Variants in ALK observed in about 807,000 individuals in gnomAD.
The protein encoded by ALK is ALK receptor tyrosine kinase, also known as ALK tyrosine kinase receptor.
A neutral mutation model predicts 163.1 loss-of-function variants in ALK; 74 were observed. The ratio of observed to expected loss-of-function variants is 0.45; its 90% CI spans 0.38 to 0.55. The LOEUF (loss-of-function observed/expected upper bound fraction) is 0.55, where lower values mean the gene tolerates loss of function less well. Among genes scored for constraint, ALK ranks in the 20% least tolerant of loss-of-function variants. ALK has a pLI of 0.00. For synonymous variants in ALK, 960 were observed against 843.2 expected, an observed-to-expected ratio of 1.14 and a Z score of -2.40; for missense variants, 2,063 against 2,105.3, an observed-to-expected ratio of 0.98 and a Z score of 0.39.
intron 1 of ALK, among the ~76,000 whole-genome samples, chr2:29,871,998 A>C (rs1487471106): frequency 1.3e-5 from 2 of 152,196 alleles, no homozygotes; most frequent in Non-Finnish European, 2.9e-5. Context: ...TCCAAGCCCT[A>C]GACTGGGTAT....
At chr2:29,426,922 C>A (rs1670153129) in intron 4 of ALK, among the ~76,000 whole-genome samples, 1 of 150,050 alleles carries the variant, frequency 6.7e-6, no homozygotes, top group African/African-American at 2.4e-5. Context: ...CCTGTAGTCC[C>A]AGCTACTCAG....
intron 3 of ALK, among the ~76,000 whole-genome samples, chr2:29,540,042 GTGGATATAGTGGTTAT>G (rs1406107917): frequency 4.6e-5 from 7 of 152,152 alleles, no homozygotes; most frequent in Non-Finnish European, 8.8e-5. Context: ...GTAGTTAATA[GTGGATATAGTGGTTAT>G]TGGATATAGT....
chr2:29,614,586 C>T lies in ALK; in HGVS notation c.952+80264G>A, dbSNP rs897496599. ...AAACATTAATCAGGCTCATCTGAGC[C>T]CCACTAAGCCCCATGCTTGGGCAGG... On this transcript the variant is annotated intron_variant, in intron 3 of 28. Transcript: ENST00000389048. Among the ~76,000 whole-genome samples, 4 of 152,318 alleles carry T rather than the reference C, an allele frequency of 2.6e-5. No homozygotes were observed. The East Asian group carries it at 5.8e-4, about 22-fold the overall frequency.
intron 1 of ALK, among the ~76,000 whole-genome samples, chr2:29,804,581 G>A (rs576974575): frequency 5.9e-5 from 9 of 152,348 alleles, no homozygotes; most frequent in Admixed American, 2.6e-4. Context: ...CCTGGCGGCC[G>A]TGGAGGCCTG....
At chr2:29,441,048 G>T (rs546160091) in intron 4 of ALK, among the ~76,000 whole-genome samples, 2 of 152,294 alleles carry the variant, frequency 1.3e-5, no homozygotes, top group South Asian at 4.1e-4. Context: ...ACTCAACCCA[G>T]TTTGTCCCTG....
chr2:29,759,951 C>T (rs1311266572), intron 1 of ALK, among the ~76,000 whole-genome samples: 1 of 152,176 alleles, frequency 6.6e-6, no homozygotes. Flanking sequence ...CAGCTGTTAT[C>T]AACAGCACTT....
At chr2:29,481,902 T>G (rs1274157819) in intron 4 of ALK, among the ~76,000 whole-genome samples, 2 of 152,222 alleles carry the variant, frequency 1.3e-5, no homozygotes, top group Non-Finnish European at 2.9e-5. Flanking sequence ...CAAAGGCTCT[T>G]AAGCCTCAAT....
At chr2:29,235,785 T>C (rs1004199592) in intron 13 of ALK, among the ~76,000 whole-genome samples, 6 of 145,200 alleles carry the variant, frequency 4.1e-5, no homozygotes, top group African/African-American at 1.5e-4. Flanking sequence ...CACGAACTCC[T>C]GGGCTCAAGT....
At chr2:29,697,369 C>T (rs1678598536) in intron 2 of ALK, among the ~76,000 whole-genome samples, 1 of 152,068 alleles carries the variant, frequency 6.6e-6, no homozygotes, top group Non-Finnish European at 1.5e-5. Flanking sequence ...CAGGAAGGGC[C>T]CATGCCCTGG....
At chr2:29,235,856 CTTTTTTTTTTTTTTTTTTT>C (rs569363324) in intron 13 of ALK, among the ~76,000 whole-genome samples, 1,719 of 38,536 alleles carry the variant, frequency 0.045, 97 homozygotes, top group African/African-American at 0.13. Flanking sequence ...CCAGGCTCGA[CTTTTTTTTTTTTTTTTTTT>C]TTTTTTTTTT....
rs527582198 is a variant in ALK, at chr2:29,805,340, TGCA to T, written c.668-87646_668-87644del. 1.7e-3 allele frequency among the ~76,000 whole-genome samples: 264 copies of T among 152,322 alleles called. 1 individual carries two copies. The highest frequency in any genetic ancestry group is 6.1e-3 in the African/African-American group (255 of 41,570). On this transcript the variant is annotated intron_variant, in intron 1 of 28. Coordinates refer to ENST00000389048, the MANE Select transcript of ALK (RefSeq NM_004304.5). ...AGTTCTTGGATACATGTGCAGGACATGCAGATTTGTTACATAGTGTGGACATGT... is the reference window on the plus strand; with the variant it reads ...AGTTCTTGGATACATGTGCAGGACATGATTTGTTACATAGTGTGGACATGT...
chr2:29,503,315 T>C (rs1672234541), intron 4 of ALK, among the ~76,000 whole-genome samples: 1 of 152,210 alleles, frequency 6.6e-6, no homozygotes, highest in Non-Finnish European at 1.5e-5. Context: ...GTCTATTGGA[T>C]TTATATCCAG....
Position 29,197,614 on chromosome 2 carries a change from C to T in ALK, c.4001G>A (p.Ser1334Asn), listed in dbSNP as rs1209406542. 6.2e-7 allele frequency: 1 copy of T among 1,614,020 alleles called. No homozygotes were observed. Among genetic ancestry groups the T allele is most frequent in the East Asian group, 2.2e-5 (1 of 44,870 alleles). The change falls in exon 27 of 29, where the codon AGC (serine) becomes AAC (asparagine). Residue 1334 changes from serine to asparagine, a missense_variant. Physicochemically the swap from Ser to Asn is conservative, Grantham distance 46 (BLOSUM62 1). Around this residue, in one of 5 missense-constraint regions of ALK, gnomAD observed 403 missense variants for 366.2 expected, o/e 1.10. Transcript: ENST00000389048. Reference protein sequence around the residue: ...SLGYMPYPSKSNQEVLEFVTS... With the variant: ...SLGYMPYPSKNNQEVLEFVTS... ...GACAAACTCCAGAACTTCCTGGTTG[C>T]TTTTGCTGGGGTATGGCATATATCC...
At chr2:29,694,504 T>C (rs560789333) in intron 3 of ALK, among the ~76,000 whole-genome samples, 1 of 152,366 alleles carries the variant, frequency 6.6e-6, no homozygotes, top group Admixed American at 6.5e-5. Flanking sequence ...CATTTGCTGT[T>C]CATCTGAAAT....
intron 1 of ALK, among the ~76,000 whole-genome samples, chr2:29,757,881 C>T (rs1680582079): frequency 6.6e-6 from 1 of 152,050 alleles, no homozygotes; most frequent in South Asian, 2.1e-4. Flanking sequence ...CAGTTTCTGA[C>T]CCCTGATCTA....
At position 29,784,501 on chromosome 2, in the gene ALK, G is replaced by A. The variant is rs146695029; in HGVS notation, c.668-66804C>T. 5.0e-3 allele frequency among the ~76,000 whole-genome samples: 766 copies of A among 152,242 alleles called. 10 individuals are homozygous for A. The highest frequency in any genetic ancestry group is 0.017 in the African/African-American group (693 of 41,548). On this transcript the variant is annotated intron_variant, in intron 1 of 28. Coordinates refer to ENST00000389048, the MANE Select transcript of ALK (RefSeq NM_004304.5). Reference sequence around the variant, plus strand: ...ACTTGAGGTCAGGAGTTCAAGACCAGCCTGGCCAATGTGGCAAAACCCTGT... The same window carrying A: ...ACTTGAGGTCAGGAGTTCAAGACCAACCTGGCCAATGTGGCAAAACCCTGT...
At chr2:29,589,919 T>A (rs560513297) in intron 3 of ALK, among the ~76,000 whole-genome samples, 1 of 152,348 alleles carries the variant, frequency 6.6e-6, no homozygotes, top group South Asian at 2.1e-4. Context: ...TGAAGTCCCC[T>A]CTAGCACGCT....
At chr2:29,269,020 G>A (rs1467201262) in intron 11 of ALK, among the ~76,000 whole-genome samples, 3 of 152,184 alleles carry the variant, frequency 2.0e-5, no homozygotes, top group Non-Finnish European at 2.9e-5. Flanking sequence ...GGAAACAAAG[G>A]CACAGACAGC....
At chr2:29,677,279 C>T (rs1054603520) in intron 3 of ALK, among the ~76,000 whole-genome samples, 4 of 139,924 alleles carry the variant, frequency 2.9e-5, no homozygotes, top group Non-Finnish European at 6.2e-5. Flanking sequence ...CCCTCCCATC[C>T]CCTCCCCTTC....
Sources: allele counts gnomAD v4.1 joint callset (sites outside exome capture counted in the v4.1 genomes callset), GRCh38; gene constraint gnomAD v4.1.1; regional missense constraint gnomAD v4.1.1; transcripts MANE v1.5; gene names NCBI Gene and HGNC (gene_info 2026-07-23, HGNC 2026-07-21).